PLVAP: variants seen among roughly 807,000 people sequenced by gnomAD.
The protein encoded by PLVAP is plasmalemma vesicle-associated protein.
In PLVAP, 34 loss-of-function variants were observed where a neutral mutation model predicts 43.1. The ratio of observed to expected loss-of-function variants is 0.79; its 90% CI spans 0.60 to 1.05. The LOEUF is 1.05. Ranked by LOEUF, PLVAP falls within the 50% of genes least tolerant of loss-of-function variation. The pLI, the probability that PLVAP is intolerant of heterozygous loss-of-function variation, is 0.00. For synonymous variants in PLVAP, 241 were observed against 237.3 expected, an observed-to-expected ratio of 1.02 and a Z score of -0.14; for missense variants, 574 against 593.4, an observed-to-expected ratio of 0.97 and a Z score of 0.34.
At chr19:17,354,203 T>C (rs182600145) in intron 5 of PLVAP, among the ~76,000 whole-genome samples, 2 of 152,178 alleles carry the variant, frequency 1.3e-5, no homozygotes, top group Admixed American at 6.5e-5. Context: ...GGCATGAGAA[T>C]TGCTTGAACC....
intron 5 of PLVAP, among the ~76,000 whole-genome samples, chr19:17,356,984 GAAGT>G (rs1350566895): frequency 1.3e-5 from 2 of 151,356 alleles, no homozygotes; most frequent in African/African-American, 2.4e-5. Context: ...AAAAGAAGAA[GAAGT>G]AAGAGTGGAG....
At position 17,359,561 on chromosome 19, in the gene PLVAP, A is replaced by G. The variant is rs1185336768; in HGVS notation, c.1322+967T>C. ...GCTGGGACTACAGGCGCATACCACCACGCCCAGCTACTTTTTGTATTTTTA... is the reference window on the plus strand; with the variant it reads ...GCTGGGACTACAGGCGCATACCACCGCGCCCAGCTACTTTTTGTATTTTTA... On this transcript the variant is annotated intron_variant, in intron 5 of 5. Coordinates refer to ENST00000252590, the MANE Select transcript of PLVAP (RefSeq NM_031310.3). Among the ~76,000 whole-genome samples, 6 of 150,472 alleles carry G rather than the reference A, an allele frequency of 4.0e-5. No individual in the cohort carries two copies. The South Asian group carries it at 1.0e-3, about 26-fold the overall frequency.
chr19:17,365,477 G>C lies in PLVAP; in HGVS notation c.988C>G (p.Gln330Glu), dbSNP rs199712527. The change falls in exon 3 of 6, where the codon CAG (glutamine) becomes GAG (glutamate). Residue 330 changes from glutamine to glutamate, a missense_variant. Transcript: ENST00000252590. ...EAKQKVEKEAQAREAKLQAEC... is the reference protein window; with the variant it reads ...EAKQKVEKEAEAREAKLQAEC... ...GCTTGGAGCTTGGCCTCCCGGGCCTGAGCCTCCTTCTCCACCTTCTGTTTC... is the reference window on the plus strand; with the variant it reads ...GCTTGGAGCTTGGCCTCCCGGGCCTCAGCCTCCTTCTCCACCTTCTGTTTC... 460 of 1,612,564 alleles carry C rather than the reference G, an allele frequency of 2.9e-4. 4 individuals are homozygous for C. The highest frequency in any genetic ancestry group is 2.2e-4 in the Admixed American group (13 of 60,010).
intron 1 of PLVAP, among the ~76,000 whole-genome samples, chr19:17,376,650 G>C (rs1215641301): frequency 3.3e-5 from 5 of 151,730 alleles, no homozygotes; most frequent in African/African-American, 9.7e-5. Context: ...ATACAAAAAT[G>C]AGCCGGTTAT....
At chr19:17,369,566 C>T (rs933356947) in intron 1 of PLVAP, among the ~76,000 whole-genome samples, 2 of 143,550 alleles carry the variant, frequency 1.4e-5, no homozygotes, top group Non-Finnish European at 1.5e-5. Flanking sequence ...ATCCGGGAGG[C>T]GGAGGTTGCA....
Position 17,366,079 on chromosome 19 carries a change from C to A in PLVAP, c.466+20G>T, listed in dbSNP as rs2074548851. ...GGCAGGGAGTCCACCACCCCGGCTCCCTGCAGCCTTAGCACTCACCATCGC... is the reference window on the plus strand; with the variant it reads ...GGCAGGGAGTCCACCACCCCGGCTCACTGCAGCCTTAGCACTCACCATCGC... On this transcript the variant is annotated intron_variant, in intron 2 of 5. Transcript: ENST00000252590. The A allele has an allele frequency of 6.2e-6, 10 of 1,613,852 alleles. No homozygotes were observed. Among genetic ancestry groups the A allele is most frequent in the Non-Finnish European group, 8.5e-6 (10 of 1,179,794 alleles).
intron 1 of PLVAP, among the ~76,000 whole-genome samples, chr19:17,370,678 T>C (rs8108265): frequency 0.13 from 20,416 of 152,044 alleles, 2,452 homozygotes; most frequent in African/African-American, 0.32. Flanking sequence ...ACGTGGGTTT[T>C]CTTTTGGGAA....
intron 1 of PLVAP, among the ~76,000 whole-genome samples, chr19:17,372,757 A>G (rs1256143668): frequency 1.3e-5 from 2 of 150,724 alleles, no homozygotes; most frequent in Non-Finnish European, 3.0e-5. Flanking sequence ...CACCCGGCCA[A>G]TAATTTTTTT....
intron 3 of PLVAP, among the ~76,000 whole-genome samples, chr19:17,361,615 TTC>T (rs1351454198): frequency 1.3e-5 from 2 of 152,162 alleles, no homozygotes; most frequent in African/African-American, 2.4e-5. Context: ...CCAAAGCCAA[TTC>T]TGAACTCAAT....
chr19:17,367,146 T>C (rs1419179866), intron 1 of PLVAP, among the ~76,000 whole-genome samples: 2 of 151,808 alleles, frequency 1.3e-5, no homozygotes, highest in Non-Finnish European at 2.9e-5. Flanking sequence ...GGTTTTACCA[T>C]GCTGCCGAGG....
chr19:17,374,324 G>A (rs2074586113), intron 1 of PLVAP, among the ~76,000 whole-genome samples: 1 of 152,066 alleles, frequency 6.6e-6, no homozygotes, highest in African/African-American at 2.4e-5. Flanking sequence ...AATTAGCCAG[G>A]CATGACGGCG....
intron 1 of PLVAP, among the ~76,000 whole-genome samples, chr19:17,372,687 A>G (rs2074577612): frequency 6.7e-6 from 1 of 150,048 alleles, no homozygotes; most frequent in African/African-American, 2.4e-5. Flanking sequence ...CGATCTCCTG[A>G]CCTAGTGATC....
At chr19:17,367,711 G>A (rs977698494) in intron 1 of PLVAP, among the ~76,000 whole-genome samples, 61 of 151,998 alleles carry the variant, frequency 4.0e-4, no homozygotes, top group African/African-American at 1.4e-3. Flanking sequence ...TTGTAGAGAT[G>A]GGGTTTCACT....
chr19:17,370,764 A>G (rs554659698), intron 1 of PLVAP, among the ~76,000 whole-genome samples: 1 of 152,184 alleles, frequency 6.6e-6, no homozygotes, highest in Non-Finnish European at 1.5e-5. Flanking sequence ...TTACAAAAAA[A>G]TCATCAAATT....
intron 5 of PLVAP, among the ~76,000 whole-genome samples, chr19:17,358,340 T>G (rs1249180302): frequency 5.3e-5 from 8 of 151,286 alleles, no homozygotes; most frequent in African/African-American, 1.9e-4. Flanking sequence ...GCGGCAAAGC[T>G]TTCGGAAATC....
chr19:17,353,832 C>T (rs564325791), intron 5 of PLVAP, among the ~76,000 whole-genome samples: 6 of 152,196 alleles, frequency 3.9e-5, no homozygotes, highest in Non-Finnish European at 8.8e-5. Flanking sequence ...ATGAGGGCAG[C>T]GGGTTTCTGT....
intron 5 of PLVAP, among the ~76,000 whole-genome samples, chr19:17,354,454 G>A (rs8110258): frequency 0.13 from 19,605 of 151,610 alleles, 2,020 homozygotes; most frequent in African/African-American, 0.28. Context: ...AAAATTAGCC[G>A]GGTGTGGTGG....
chr19:17,356,666 G>A (rs1211299039), intron 5 of PLVAP, among the ~76,000 whole-genome samples: 2 of 151,068 alleles, frequency 1.3e-5, no homozygotes, highest in Non-Finnish European at 3.0e-5. Context: ...AGGCTTAGAA[G>A]GAATAAGAGT....
At chr19:17,369,186 T>C (rs2074561882) in intron 1 of PLVAP, among the ~76,000 whole-genome samples, 1 of 151,660 alleles carries the variant, frequency 6.6e-6, no homozygotes, top group African/African-American at 2.4e-5. Context: ...TTGTTTTTTT[T>C]TTTGTTGTTG....
Sources: gnomAD v4.1 joint callset for allele counts (sites outside exome capture counted in the v4.1 genomes callset) on GRCh38, gnomAD v4.1.1 for gene constraint, MANE v1.5 for transcripts, NCBI Gene and HGNC (gene_info 2026-07-23, HGNC 2026-07-21) for gene names.